Variants in PDE10A observed in about 807,000 individuals in gnomAD.
PDE10A encodes the protein phosphodiesterase 10A.
Under a neutral mutation model 97.7 loss-of-function variants are expected in PDE10A, and 39 were observed. The ratio of observed to expected loss-of-function variants is 0.40; its 90% CI spans 0.31 to 0.52. PDE10A has a LOEUF of 0.52. Ranked by LOEUF, PDE10A falls within the 20% of genes least tolerant of loss-of-function variation. The pLI is 0.56. For missense variants in PDE10A, 731 were observed against 1,047.8 expected (o/e 0.70, Z 4.17); for synonymous variants, 371 against 376.8 (o/e 0.98, Z 0.18).
intron 13 of PDE10A, among the ~76,000 whole-genome samples, chr6:165,397,430 C>A (rs1454917947): frequency 2.6e-5 from 4 of 152,108 alleles, no homozygotes. Flanking sequence ...TAAATGAAGG[C>A]TGGGCAAGGT....
chr6:165,476,400 T>C (rs961713176), intron 3 of PDE10A, among the ~76,000 whole-genome samples: 2 of 152,140 alleles, frequency 1.3e-5, no homozygotes, highest in Non-Finnish European at 2.9e-5. Flanking sequence ...CCTTTAATTT[T>C]AAAAGAGTCA....
chr6:165,966,497 T>G (rs185998564), intron 1 of PDE10A, among the ~76,000 whole-genome samples: 1 of 152,240 alleles, frequency 6.6e-6, no homozygotes, highest in Non-Finnish European at 1.5e-5. Context: ...GTTCCAGGCC[T>G]CGCAGCCCAG....
At chr6:165,690,451 G>A (rs139569583) in intron 1 of PDE10A, among the ~76,000 whole-genome samples, 46 of 152,278 alleles carry the variant, frequency 3.0e-4, no homozygotes, top group African/African-American at 1.1e-3. Context: ...CCTTCAGCCT[G>A]GCTCTCCTCC....
chr6:165,810,573 C>G (rs1375335928), intron 1 of PDE10A, among the ~76,000 whole-genome samples: 1 of 152,198 alleles, frequency 6.6e-6, no homozygotes, highest in Non-Finnish European at 1.5e-5. Flanking sequence ...CTTATGCTCT[C>G]TGCAGGATTC....
rs899721140 is a variant in PDE10A, at chr6:165,645,503, C to T, written c.865+16444G>A. ...AGTCCTTAGGGTGAGTTTACAGACA[C>T]GCAAGCACATTAAATCTGGCAAAAC... On this transcript the variant is annotated intron_variant, in intron 1 of 21. Coordinates refer to ENST00000539869, the MANE Select transcript of PDE10A (RefSeq NM_001385079.1). 1.5e-4 allele frequency among the ~76,000 whole-genome samples: 23 copies of T among 152,220 alleles called. No homozygotes were observed. In the South Asian group the frequency reaches 3.5e-3, roughly 23 times the overall value.
chr6:165,429,337 A>G (rs79282846), intron 9 of PDE10A, among the ~76,000 whole-genome samples: 1,630 of 152,238 alleles, frequency 0.011, 12 homozygotes, highest in Non-Finnish European at 0.016. Context: ...CATGTAACGT[A>G]TGGAAAATGT....
intron 1 of PDE10A, among the ~76,000 whole-genome samples, chr6:165,943,327 G>A (rs1365035927): frequency 1.4e-5 from 1 of 72,644 alleles, no homozygotes; most frequent in African/African-American, 6.8e-5. Flanking sequence ...AGGAAAGAAA[G>A]AAAAAGAAAG....
At chr6:165,365,803 C>T (rs1439461338) in intron 18 of PDE10A, among the ~76,000 whole-genome samples, 1 of 152,080 alleles carries the variant, frequency 6.6e-6, no homozygotes, top group African/African-American at 2.4e-5. Context: ...ATTAAATGAA[C>T]CTTCCCAAAA....
At position 165,329,851 on chromosome 6, in the gene PDE10A, G is replaced by C. The variant is rs1378342956; in HGVS notation, c.*3174C>G. ...GGGAACGATTGTGTCTAATATTTTGGTCTCTTTTGCAAGATGGGTTTTTCA... is the reference window on the plus strand; with the variant it reads ...GGGAACGATTGTGTCTAATATTTTGCTCTCTTTTGCAAGATGGGTTTTTCA... On this transcript the variant is annotated 3_prime_UTR_variant, in exon 22 of 22. Transcript: ENST00000539869. 2 of 152,066 alleles carry C rather than the reference G, an allele frequency of 1.3e-5. No homozygotes were observed. Among genetic ancestry groups the C allele is most frequent in the African/African-American group, 4.8e-5 (2 of 41,400 alleles). The allele number at this position is 152,066 out of a possible 1,614,324, so 9.4% of individuals were successfully genotyped here. A position where few individuals can be genotyped will look rare whatever the true frequency, so the allele number is the denominator to read the frequency against.
intron 1 of PDE10A, among the ~76,000 whole-genome samples, chr6:165,957,286 G>T (rs1255154554): frequency 6.6e-6 from 1 of 152,128 alleles, no homozygotes; most frequent in African/African-American, 2.4e-5. Context: ...TTTGAGACCA[G>T]CCTGGGCAAC....
chr6:165,539,010 T>A (rs1429698330), intron 2 of PDE10A, among the ~76,000 whole-genome samples: 2 of 152,212 alleles, frequency 1.3e-5, no homozygotes, highest in Non-Finnish European at 2.9e-5. Context: ...GAATGTATAG[T>A]CGTTTGATGA....
chr6:165,606,801 T>C (rs112527903), intron 1 of PDE10A, among the ~76,000 whole-genome samples: 4 of 152,082 alleles, frequency 2.6e-5, no homozygotes, highest in Admixed American at 6.5e-5. Context: ...GACTGGACCA[T>C]GGAGTGCGTG....
intron 2 of PDE10A, 31 bp from the exon 3 acceptor site, chr6:165,482,374 C>A (rs1293131308): frequency 6.4e-7 from 1 of 1,557,942 alleles, no homozygotes; most frequent in African/African-American, 1.4e-5. Flanking sequence ...GGGAAAAACA[C>A]AATTAGCGAC....
intron 18 of PDE10A, among the ~76,000 whole-genome samples, chr6:165,364,534 G>T (rs547539116): frequency 8.2e-4 from 125 of 152,254 alleles, no homozygotes; most frequent in Admixed American, 3.5e-3. Context: ...TATAAAGAAA[G>T]AACACATTGA....
rs538749236 is a variant in PDE10A, at chr6:165,797,455, C to T, written c.-615+190074G>A. 2.1e-4 allele frequency among the ~76,000 whole-genome samples: 32 copies of T among 152,288 alleles called. No individual in the cohort carries two copies. In the South Asian group the frequency reaches 6.4e-3, roughly 31 times the overall value. On this transcript the variant is annotated intron_variant, in intron 1 of 19. Coordinates refer to the PDE10A transcript ENST00000366882. ...GCTTTCCCTTATTATCCAAGGTAAA[C>T]TTCAGTTCCTCCTAAAAGACAGAAT...
intron 18 of PDE10A, among the ~76,000 whole-genome samples, chr6:165,371,534 G>A (rs1283999150): frequency 2.0e-5 from 3 of 152,030 alleles, no homozygotes; most frequent in African/African-American, 7.2e-5. Context: ...CCAGGAAGAA[G>A]TTGAATCTCT....
At chr6:165,768,491 TTAAAA>T (rs1186538104) in intron 1 of PDE10A, among the ~76,000 whole-genome samples, 3 of 152,220 alleles carry the variant, frequency 2.0e-5, no homozygotes, top group Non-Finnish European at 4.4e-5. Context: ...TGTCCTTCAC[TTAAAA>T]TAAATGCTCC....
intron 1 of PDE10A, among the ~76,000 whole-genome samples, chr6:165,606,350 A>T (rs1039384405): frequency 2.0e-5 from 3 of 152,072 alleles, no homozygotes; most frequent in Non-Finnish European, 2.9e-5. Context: ...AACACACAGG[A>T]TTTGTTTTTC....
chr6:165,468,911 G>C (rs1475441266), intron 3 of PDE10A, among the ~76,000 whole-genome samples: 1 of 152,058 alleles, frequency 6.6e-6, no homozygotes, highest in Non-Finnish European at 1.5e-5. Context: ...CATCTTTATG[G>C]GCCTAAAACA....
Sources: gnomAD v4.1 joint callset for allele counts (sites outside exome capture counted in the v4.1 genomes callset) on GRCh38, gnomAD v4.1.1 for gene constraint, MANE v1.5 for transcripts, NCBI Gene and HGNC (gene_info 2026-07-23, HGNC 2026-07-21) for gene names.